LRRTM4: variants seen among roughly 807,000 people sequenced by gnomAD.
LRRTM4 encodes leucine rich repeat transmembrane neuronal 4.
Under a neutral mutation model 47.6 loss-of-function variants are expected in LRRTM4, and 25 were observed. That is an observed-to-expected ratio of 0.53 (90% CI 0.38 to 0.73). LRRTM4 has a LOEUF of 0.73. LRRTM4 is among the 30% of genes least tolerant of loss of function. The probability of loss-of-function intolerance (pLI) is 0.00; values close to 1 mark genes in which losing one functional copy is unlikely to be tolerated. For synonymous variants in LRRTM4, 311 were observed against 269.5 expected (o/e 1.15, Z -1.51); for missense variants, 638 against 713.4 (o/e 0.89, Z 1.20).
intron 3 of LRRTM4, among the ~76,000 whole-genome samples, chr2:76,952,647 T>C (rs1007880599): frequency 1.3e-5 from 2 of 151,910 alleles, no homozygotes; most frequent in African/African-American, 4.8e-5. Context: ...TCAAAGAACT[T>C]AGGAAACAGA....
chr2:77,373,088 A>ATAT (rs1553435845), intron 3 of LRRTM4, among the ~76,000 whole-genome samples: 1,638 of 140,318 alleles, frequency 0.012, 33 homozygotes, highest in African/African-American at 0.038. Flanking sequence ...TTAAAAAAAA[A>ATAT]ATATATATAT....
chr2:77,321,552 A>AGGC (rs1459558300), intron 3 of LRRTM4, among the ~76,000 whole-genome samples: 69 of 21,248 alleles, frequency 3.2e-3, no homozygotes, highest in African/African-American at 6.8e-3. Flanking sequence ...TAAATCGGGG[A>AGGC]GGGGGGGGGG....
chr2:77,294,342 T>C (rs1676911496), intron 3 of LRRTM4, among the ~76,000 whole-genome samples: 1 of 152,114 alleles, frequency 6.6e-6, no homozygotes, highest in African/African-American at 2.4e-5. Flanking sequence ...AATATAGATA[T>C]TTTTATTTCC....
At chr2:77,065,363 G>A (rs1282302691) in intron 3 of LRRTM4, among the ~76,000 whole-genome samples, 2 of 152,098 alleles carry the variant, frequency 1.3e-5, no homozygotes, top group African/African-American at 4.8e-5. Flanking sequence ...TTATAATAAT[G>A]GCAATTAATT....
At chr2:77,211,138 G>A (rs1379624330) in intron 3 of LRRTM4, among the ~76,000 whole-genome samples, 2 of 152,130 alleles carry the variant, frequency 1.3e-5, no homozygotes, top group Non-Finnish European at 2.9e-5. Flanking sequence ...TAAACACTAG[G>A]AAAGGGGAGG....
chr2:76,948,795 A>G (rs1675406717), intron 3 of LRRTM4, among the ~76,000 whole-genome samples: 1 of 151,862 alleles, frequency 6.6e-6, no homozygotes, highest in African/African-American at 2.4e-5. Flanking sequence ...TAAACATTGA[A>G]CTGCAAGTAA....
intron 3 of LRRTM4, among the ~76,000 whole-genome samples, chr2:76,948,783 T>C (rs1675406493): frequency 6.6e-6 from 1 of 151,884 alleles, no homozygotes; most frequent in Admixed American, 6.6e-5. Flanking sequence ...TCTTACTACA[T>C]TTAAACATTG....
intron 3 of LRRTM4, among the ~76,000 whole-genome samples, chr2:77,209,268 T>C (rs1674226271): frequency 6.6e-6 from 1 of 152,258 alleles, no homozygotes; most frequent in African/African-American, 2.4e-5. Context: ...TAGGGCTCCA[T>C]GCCTAAGTAC....
At chr2:76,840,667 C>A (rs2103930479) in intron 3 of LRRTM4, among the ~76,000 whole-genome samples, 2 of 152,266 alleles carry the variant, frequency 1.3e-5, no homozygotes, top group African/African-American at 4.8e-5. Flanking sequence ...GCAATCATTT[C>A]TCCACTTTGT....
intron 3 of LRRTM4, among the ~76,000 whole-genome samples, chr2:77,080,435 T>C (rs925692429): frequency 6.6e-6 from 1 of 152,182 alleles, no homozygotes; most frequent in Non-Finnish European, 1.5e-5. Context: ...TGCATATCCT[T>C]ATGTTATTCT....
At position 77,057,931 on chromosome 2, in the gene LRRTM4, G is replaced by T. The variant is rs545515213; in HGVS notation, c.1552-309015C>A. ...CCTAAGAGTTTGGATGCACGTAAGT[G>T]TATTTCATTTCCATTTTCTGTATCA... is the stretch of plus-strand genomic sequence containing the variant. On this transcript the variant is annotated intron_variant, in intron 3 of 3. Transcript: ENST00000409884. Among the ~76,000 whole-genome samples the T allele has an allele frequency of 3.3e-5, 5 of 152,206 alleles. No homozygotes were observed. In the South Asian group the frequency reaches 6.2e-4, roughly 19 times the overall value.
chr2:77,021,855 A>G (rs1573462477), intron 3 of LRRTM4, among the ~76,000 whole-genome samples: 1 of 152,192 alleles, frequency 6.6e-6, no homozygotes, highest in African/African-American at 2.4e-5. Flanking sequence ...ATACACATAC[A>G]TTGTTTAATG....
chr2:76,766,438 G>C (rs1673459241), intron 3 of LRRTM4, among the ~76,000 whole-genome samples: 1 of 152,116 alleles, frequency 6.6e-6, no homozygotes, highest in Non-Finnish European at 1.5e-5. Flanking sequence ...TACTGAAATG[G>C]AGTCCAGGCA....
chr2:77,032,893 T>C (rs1411398615), intron 3 of LRRTM4, among the ~76,000 whole-genome samples: 1 of 152,110 alleles, frequency 6.6e-6, no homozygotes, highest in Admixed American at 6.6e-5. Flanking sequence ...TCTTCCTTGC[T>C]GGGTTCTAAT....
chr2:76,837,957 G>C (rs1171550059), intron 3 of LRRTM4, among the ~76,000 whole-genome samples: 1 of 151,556 alleles, frequency 6.6e-6, no homozygotes, highest in Admixed American at 6.6e-5. Flanking sequence ...TAGGGGGGAG[G>C]GATAGCATTA....
chr2:76,992,209 T>C (rs934058808), intron 3 of LRRTM4, among the ~76,000 whole-genome samples: 2 of 151,724 alleles, frequency 1.3e-5, no homozygotes, highest in African/African-American at 4.8e-5. Context: ...GGAAGCATTA[T>C]CCTTAAGAAT....
chr2:77,447,160 A>C (rs1323019354), intron 3 of LRRTM4, among the ~76,000 whole-genome samples: 1 of 150,268 alleles, frequency 6.7e-6, no homozygotes, highest in Non-Finnish European at 1.5e-5. Flanking sequence ...CTTTCACCAG[A>C]TTCTCCAATA....
chr2:76,868,373 C>T (rs989675163), intron 3 of LRRTM4, among the ~76,000 whole-genome samples: 1 of 152,068 alleles, frequency 6.6e-6, no homozygotes, highest in African/African-American at 2.4e-5. Context: ...ACATAAGTTA[C>T]GGTGGGTTTT....
At chr2:77,322,634 C>T (rs1035887075) in intron 3 of LRRTM4, among the ~76,000 whole-genome samples, 1 of 151,730 alleles carries the variant, frequency 6.6e-6, no homozygotes, top group Non-Finnish European at 1.5e-5. Context: ...GGAACACTTA[C>T]TTAGTTCTAG....
Sources: gnomAD v4.1 joint callset for allele counts (sites outside exome capture counted in the v4.1 genomes callset) on GRCh38, gnomAD v4.1.1 for gene constraint, MANE v1.5 for transcripts, NCBI Gene and HGNC (gene_info 2026-07-23, HGNC 2026-07-21) for gene names.